USP35: variants seen among roughly 807,000 people sequenced by gnomAD.
USP35 encodes ubiquitin carboxyl-terminal hydrolase 35.
Under a neutral mutation model 83.8 loss-of-function variants are expected in USP35, and 69 were observed. That is an observed-to-expected ratio of 0.82 (90% CI 0.68 to 1.01). The LOEUF (loss-of-function observed/expected upper bound fraction) is 1.01, where lower values mean the gene tolerates loss of function less well. Among genes scored for constraint, USP35 ranks in the 50% least tolerant of loss-of-function variants. The pLI is 0.00. For synonymous variants in USP35, 714 were observed against 589.5 expected (o/e 1.21, Z -3.06); for missense variants, 1,503 against 1,362.5 (o/e 1.10, Z -1.62).
chr11:78,198,422 C>T, intron 3 of USP35, among the ~76,000 whole-genome samples: 1 of 152,208 alleles, frequency 6.6e-6, no homozygotes, highest in East Asian at 1.9e-4. Flanking sequence ...TCACGAGGTG[C>T]TTTCTGAGTG....
chr11:78,232,533 A>G, the USP35 span, among the ~76,000 whole-genome samples: 1 of 152,234 alleles, frequency 6.6e-6, no homozygotes, highest in Admixed American at 6.5e-5. Flanking sequence ...CGTTGGCAAT[A>G]GATATTATTC....
At chr11:78,220,533 T>C in the USP35 span, 3 of 1,164,818 alleles carry the variant, frequency 2.6e-6, no homozygotes, top group Non-Finnish European at 3.6e-6. Flanking sequence ...AAGAACACTG[T>C]TTCCCTGAGC....
At position 78,210,413 on chromosome 11, in the gene USP35, A is replaced by C. The variant is rs1863716055; in HGVS notation, c.2558A>C (p.His853Pro). The change falls in exon 10 of 11, where the codon CAC (histidine) becomes CCC (proline). Residue 853 changes from histidine (H) to proline (P), a missense_variant. By Grantham distance (77) the His-to-Pro change is moderately conservative (BLOSUM62 -2). Transcript: ENST00000529308. Reference protein sequence around the residue: ...QAYDLCSVVVHSGVSSESGHY... With the variant: ...QAYDLCSVVVPSGVSSESGHY... ...TATGACCTCTGCAGTGTGGTGGTGC[A>C]CTCTGGAGTGTCTTCGGAGAGTGGT... 6.2e-7 allele frequency: 1 copy of C among 1,613,936 alleles called. No homozygotes were observed. Among genetic ancestry groups the C allele is most frequent in the East Asian group, 2.2e-5 (1 of 44,884 alleles).
At chr11:78,226,541 T>G in the USP35 span, 1 of 1,609,622 alleles carries the variant, frequency 6.2e-7, no homozygotes. Flanking sequence ...ATCTGCTATT[T>G]TCACTGATTG....
the USP35 span, among the ~76,000 whole-genome samples, chr11:78,221,469 A>T: frequency 6.6e-6 from 1 of 152,214 alleles, no homozygotes; most frequent in Non-Finnish European, 1.5e-5. Context: ...TCGTTGGGAC[A>T]GGTCTCATGT....
At chr11:78,198,874 A>G (rs1414016490) in intron 3 of USP35, 1 of 176,990 alleles carries the variant, frequency 5.7e-6, no homozygotes, top group East Asian at 1.9e-4. Flanking sequence ...ATTGGGTAAA[A>G]CAAGATAATA....
At chr11:78,235,093 T>A in the USP35 span, among the ~76,000 whole-genome samples, 2 of 152,082 alleles carry the variant, frequency 1.3e-5, no homozygotes, top group Non-Finnish European at 2.9e-5. Context: ...AGATTAACAT[T>A]AGGCTCCTTG....
chr11:78,221,324 C>T, the USP35 span, among the ~76,000 whole-genome samples: 7 of 152,312 alleles, frequency 4.6e-5, no homozygotes, highest in East Asian at 7.7e-4. Flanking sequence ...GTTATGTGCA[C>T]GTATGCCTCT....
At chr11:78,215,653 TACACA>T (rs1356653033), downstream of USP35, 1 of 152,166 alleles carries the variant, frequency 6.6e-6, no homozygotes, top group East Asian at 1.9e-4. Context: ...AGCCAACAAA[TACACA>T]ACACATGCCA....
intron 7 of USP35, 124 bp from the exon 8 acceptor site, chr11:78,207,406 G>C (rs1446521145): frequency 1.1e-5 from 10 of 933,590 alleles, no homozygotes; most frequent in South Asian, 1.5e-5. Flanking sequence ...TTCTGGCTCC[G>C]TCTTGGGGCA....
At chr11:78,219,112 A>AG (rs1362817174), downstream of USP35, 4 of 661,884 alleles carry the variant, frequency 6.0e-6, no homozygotes, top group Admixed American at 2.9e-5. Flanking sequence ...CTCACCTCCC[A>AG]GGGGAAGGGT....
At chr11:78,230,750 G>A in the USP35 span, among the ~76,000 whole-genome samples, 2 of 152,266 alleles carry the variant, frequency 1.3e-5, no homozygotes, top group Non-Finnish European at 2.9e-5. Context: ...CATACTCAGA[G>A]GGCAGGGAAT....
intron 8 of USP35, among the ~76,000 whole-genome samples, chr11:78,208,413 T>C (rs1281189429): frequency 6.6e-6 from 1 of 152,166 alleles, no homozygotes; most frequent in East Asian, 1.9e-4. Flanking sequence ...CTAAAGCCCT[T>C]GGCCAGGGAT....
the USP35 span, chr11:78,223,591 A>G: frequency 6.2e-7 from 1 of 1,613,738 alleles, no homozygotes; most frequent in East Asian, 2.2e-5. Flanking sequence ...TTCCATGGCC[A>G]ACAGGGTGGA....
At chr11:78,205,246 T>C (rs1329401165) in intron 6 of USP35, among the ~76,000 whole-genome samples, 1 of 152,124 alleles carries the variant, frequency 6.6e-6, no homozygotes, top group African/African-American at 2.4e-5. Flanking sequence ...TTTGGGGAGG[T>C]GACTCTCTCT....
In USP35 at chr11:78,207,615, C is replaced by T. The variant is rs773479784; in HGVS notation, c.1477C>T (p.His493Tyr). The T allele has an allele frequency of 8.7e-6, 14 of 1,613,874 alleles. No individual in the cohort carries two copies. The South Asian group carries it at 1.5e-4, about 18-fold the overall frequency. Reference protein sequence around the residue: ...KLQWLFGFLEHSQRPAISPEN... With the variant: ...KLQWLFGFLEYSQRPAISPEN... ...GCAGTGGCTCTTTGGCTTCCTAGAA[C>T]ACAGCCAGGTGAGTGTAGGGGCAGT... is the stretch of plus-strand genomic sequence containing the variant. Residue 493 changes from histidine (H) to tyrosine (Y), a missense_variant, in exon 8 of 11, where the codon CAC (histidine) becomes TAC (tyrosine). Transcript: ENST00000529308.
At position 78,210,427 on chromosome 11, in the gene USP35, T is replaced by C. The variant is rs754464142; in HGVS notation, c.2572T>C (p.Ser858Pro). ...TGTGGTGGTGCACTCTGGAGTGTCT[T>C]CGGAGAGTGGTCACTACTACTGCTA... Reference protein sequence around the residue: ...CSVVVHSGVSSESGHYYCYAR... With the variant: ...CSVVVHSGVSPESGHYYCYAR... The change falls in exon 10 of 11, where the codon TCG becomes CCG. Residue 858 changes from serine to proline, a missense_variant. Ser to Pro is a moderately conservative substitution (Grantham distance 74, BLOSUM62 -1). Transcript: ENST00000529308. The C allele has an allele frequency of 2.5e-6, 4 of 1,614,148 alleles. No homozygotes were observed. In the Admixed American group the frequency reaches 5.0e-5, roughly 20 times the overall value.
chr11:78,223,724 A>C, the USP35 span: 2 of 1,478,444 alleles, frequency 1.4e-6, no homozygotes, highest in Non-Finnish European at 1.8e-6. Context: ...TAGCAAGAAG[A>C]AACAGGAAGG....
intron 1 of USP35, among the ~76,000 whole-genome samples, chr11:78,195,333 A>G (rs1199883602): frequency 6.6e-6 from 1 of 152,050 alleles, no homozygotes; most frequent in African/African-American, 2.4e-5. Context: ...GTGTGAGAGC[A>G]TGGTGGTCGT....
Sources: allele counts gnomAD v4.1 joint callset (sites outside exome capture counted in the v4.1 genomes callset), GRCh38; gene constraint gnomAD v4.1.1; transcripts MANE v1.5; gene names NCBI Gene and HGNC (gene_info 2026-07-23, HGNC 2026-07-21).